MPHOSPH9: variants seen among roughly 807,000 people sequenced by gnomAD.
MPHOSPH9 encodes the protein M-phase phosphoprotein 9.
A neutral mutation model predicts 145.5 loss-of-function variants in MPHOSPH9; 88 were observed. That is an observed-to-expected ratio of 0.60 (90% CI 0.51 to 0.72). The LOEUF (loss-of-function observed/expected upper bound fraction) is 0.72, where lower values mean the gene tolerates loss of function less well. Among genes scored for constraint, MPHOSPH9 ranks in the 30% least tolerant of loss-of-function variants. MPHOSPH9 has a pLI of 0.00. For synonymous variants in MPHOSPH9, 435 were observed against 486.2 expected (o/e 0.89, Z 1.39); for missense variants, 1,238 against 1,386.6 (o/e 0.89, Z 1.70).
chr12:123,234,560 T>C (rs1458402845), upstream of MPHOSPH9, among the ~76,000 whole-genome samples: 1 of 152,032 alleles, frequency 6.6e-6, no homozygotes, highest in Non-Finnish European at 1.5e-5. Flanking sequence ...CACATCCGGC[T>C]AATTTTTTGT....
intron 13 of MPHOSPH9, among the ~76,000 whole-genome samples, chr12:123,192,088 C>T (rs939649333): frequency 2.0e-5 from 3 of 152,102 alleles, no homozygotes; most frequent in African/African-American, 7.2e-5. Flanking sequence ...AAAAACACAC[C>T]ACAGTACATG....
intron 6 of MPHOSPH9, among the ~76,000 whole-genome samples, chr12:123,217,781 T>C (rs1464027618): frequency 6.6e-6 from 1 of 152,080 alleles, no homozygotes; most frequent in African/African-American, 2.4e-5. Flanking sequence ...TGGTGGCTCA[T>C]GCCTATAATC....
chr12:123,163,084 G>C lies in MPHOSPH9; in HGVS notation c.2959C>G (p.Arg987Gly), dbSNP rs751354790. The change falls in exon 20 of 24, where the codon CGA (arginine) becomes GGA (glycine). Residue 987 changes from arginine to glycine, a missense_variant. Arg to Gly is a moderately radical substitution (Grantham distance 125). This residue lies in a region of MPHOSPH9 where 393 missense variants were observed against 462.5 expected (regional missense o/e 0.85). Transcript: ENST00000606320. Reference sequence around the variant, plus strand: ...GGGGACAAGTTTTCTTTAGGGGATCGCTTTGGACTATAAGCCACAGTCACT... The same window carrying C: ...GGGGACAAGTTTTCTTTAGGGGATCCCTTTGGACTATAAGCCACAGTCACT... ...TPVTVAYSPK[R>G]SPKENLSPGF... 1 of 1,594,964 alleles carries C rather than the reference G, an allele frequency of 6.3e-7. No individual in the cohort carries two copies. The highest frequency in any genetic ancestry group is 1.4e-5 in the African/African-American group (1 of 73,784).
At chr12:123,181,270 G>A (rs540638114) in intron 13 of MPHOSPH9, 60 bp from the exon 14 acceptor site, 2 of 1,459,706 alleles carry the variant, frequency 1.4e-6, no homozygotes, top group East Asian at 4.5e-5. Flanking sequence ...TATCAACTGA[G>A]GTACAGTCTA....
intron 12 of MPHOSPH9, among the ~76,000 whole-genome samples, chr12:123,195,075 TACC>T (rs2045885122): frequency 2.0e-5 from 3 of 152,220 alleles, no homozygotes; most frequent in African/African-American, 7.2e-5. Flanking sequence ...TCTACTGGAA[TACC>T]AGCCCCTGAC....
intron 16 of MPHOSPH9, among the ~76,000 whole-genome samples, chr12:123,172,967 C>T (rs562043545): frequency 1.3e-5 from 2 of 148,502 alleles, no homozygotes; most frequent in South Asian, 2.1e-4. Flanking sequence ...CTGCAACCTC[C>T]GCCTCCCAGG....
At chr12:123,217,343 G>A (rs1035385383) in intron 6 of MPHOSPH9, among the ~76,000 whole-genome samples, 7 of 151,726 alleles carry the variant, frequency 4.6e-5, no homozygotes, top group East Asian at 3.9e-4. Flanking sequence ...GACTACAGGC[G>A]CATGCTACCA....
chr12:123,165,538 GC>G, intron 17 of MPHOSPH9, 61 bp from the exon 18 acceptor site: 1 of 1,413,744 alleles, frequency 7.1e-7, no homozygotes, highest in Non-Finnish European at 9.8e-7. Context: ...CTTGCCCCCC[GC>G]CCCCACACCA....
At chr12:123,153,637 C>T (rs1214693971), downstream of MPHOSPH9, among the ~76,000 whole-genome samples, 3 of 151,748 alleles carry the variant, frequency 2.0e-5, no homozygotes, top group Non-Finnish European at 4.4e-5. Context: ...GCGTGGTATG[C>T]ACCTGTAATC....
At position 123,213,063 on chromosome 12, in the gene MPHOSPH9, A is replaced by G. The variant is rs576545587; in HGVS notation, c.1087+1681T>C. Among the ~76,000 whole-genome samples, 100 of 151,756 alleles carry G rather than the reference A, an allele frequency of 6.6e-4. 1 individual carries two copies. In the South Asian group the frequency reaches 9.2e-3, roughly 14 times the overall value. On this transcript the variant is annotated intron_variant, in intron 7 of 23. Transcript: ENST00000606320. ...TTTAGTAGAGACGGGGTTTCACTGT[A>G]TTAGCCAGGATAGTCTCGATCGCCT...
intron 5 of MPHOSPH9, among the ~76,000 whole-genome samples, chr12:123,220,276 T>C (rs1399308667): frequency 6.6e-6 from 1 of 150,772 alleles, no homozygotes; most frequent in East Asian, 2.0e-4. Flanking sequence ...ATAAAAAACA[T>C]AAAATTGGGG....
In MPHOSPH9 at chr12:123,156,132, T is replaced by C. The variant is rs2043857864; in HGVS notation, c.*675A>G. On this transcript the variant is annotated 3_prime_UTR_variant, in exon 24 of 24. Transcript: ENST00000606320. ...ACTCTGAGAGCCCTCCAGAGAGGGC[T>C]CTCCAATTGTTTAACTTTTTTAGAA... The C allele has an allele frequency of 6.6e-6, 1 of 152,198 alleles. No homozygotes were observed. The highest frequency in any genetic ancestry group is 2.4e-5 in the African/African-American group (1 of 41,450). The allele number at this position is 152,198 out of a possible 1,614,324, so 9.4% of individuals were successfully genotyped here.
chr12:123,197,031 GTTTTTTTTTTTTT>G (rs56061451), intron 12 of MPHOSPH9, among the ~76,000 whole-genome samples: 3 of 72,988 alleles, frequency 4.1e-5, no homozygotes, highest in Admixed American at 1.7e-4. Context: ...AGGGGTGTGG[GTTTTTTTTTTTTT>G]TTTTTTTTTT....
In MPHOSPH9 at chr12:123,194,624, A is replaced by T. The variant is rs201912621; in HGVS notation, c.2026-23T>A. ...ATTCTATAAAACAAAGACAAACATA[A>T]TTTTTTTTTTTTTTTGAGATGGAGT... On this transcript the variant is annotated intron_variant, in intron 12 of 23. Transcript: ENST00000606320. The T allele has an allele frequency of 2.4e-5, 30 of 1,243,298 alleles. No homozygotes were observed. The East Asian group carries it at 2.8e-4, about 12-fold the overall frequency. 77.0% of individuals were successfully genotyped at this position (1,243,298 alleles called of 1,614,324 possible). A position where few individuals can be genotyped will look rare whatever the true frequency, so the allele number is the denominator to read the frequency against.
At chr12:123,158,190 A>G (rs1243408859) in intron 23 of MPHOSPH9, among the ~76,000 whole-genome samples, 1 of 152,008 alleles carries the variant, frequency 6.6e-6, no homozygotes, top group East Asian at 2.0e-4. Context: ...GGGTTTCGCC[A>G]TATTGGCCAA....
chr12:123,187,763 G>A (rs1206403743), intron 13 of MPHOSPH9, among the ~76,000 whole-genome samples: 4 of 152,160 alleles, frequency 2.6e-5, no homozygotes, highest in Non-Finnish European at 5.9e-5. Context: ...ATGATTCTGG[G>A]ACAACTGGTT....
intron 11 of MPHOSPH9, 72 bp from the exon 12 acceptor site, chr12:123,198,406 C>G (rs1373823066): frequency 6.6e-6 from 8 of 1,203,532 alleles, no homozygotes; most frequent in Non-Finnish European, 9.5e-6. Context: ...TAAATCTAAC[C>G]AATTCTCTAA....
At chr12:123,183,564 A>AAG (rs1238495488) in intron 13 of MPHOSPH9, among the ~76,000 whole-genome samples, 4 of 150,496 alleles carry the variant, frequency 2.7e-5, no homozygotes, top group Non-Finnish European at 5.9e-5. Context: ...AAAAAAAAAA[A>AAG]AAAAAAGAAA....
intron 7 of MPHOSPH9, 28 bp downstream of exon 7, chr12:123,214,715 TA>T (rs768635704): frequency 1.5e-4 from 228 of 1,534,670 alleles, no homozygotes; most frequent in Middle Eastern, 3.4e-4. Flanking sequence ...TAGTTTAGGT[TA>T]AAAAAAATAA....
Sources: gnomAD v4.1 joint callset for allele counts (sites outside exome capture counted in the v4.1 genomes callset) on GRCh38, gnomAD v4.1.1 for gene constraint, gnomAD v4.1.1 regional missense constraint, MANE v1.5 for transcripts, NCBI Gene and HGNC (gene_info 2026-07-23, HGNC 2026-07-21) for gene names.